OR51B5: variants seen among roughly 807,000 people sequenced by gnomAD.
OR51B5 encodes olfactory receptor 51B5.
For missense variants in OR51B5, 456 were observed against 374.6 expected (o/e 1.22, Z -1.79); for synonymous variants, 186 against 144.8 (o/e 1.28, Z -2.04).
chr11:5,400,445 T>A (rs78495555), intron 1 of OR51B5, among the ~76,000 whole-genome samples: 3,866 of 152,244 alleles, frequency 0.025, 164 homozygotes, highest in African/African-American at 0.087. Flanking sequence ...CCATGATAAT[T>A]TCCCCTCTTT....
At chr11:5,496,109 T>C (rs1368345565) in intron 1 of OR51B5, among the ~76,000 whole-genome samples, 6 of 151,694 alleles carry the variant, frequency 4.0e-5, no homozygotes, top group Non-Finnish European at 4.4e-5. Context: ...GATATTCAAA[T>C]GTACCAGTAA....
intron 1 of OR51B5, among the ~76,000 whole-genome samples, chr11:5,426,642 A>C (rs927833807): frequency 2.6e-5 from 4 of 152,084 alleles, no homozygotes; most frequent in Admixed American, 6.6e-5. Context: ...TAGGGCACAA[A>C]AAAGCCCCTA....
intron 1 of OR51B5, among the ~76,000 whole-genome samples, chr11:5,435,144 T>A (rs1049904356): frequency 2.6e-5 from 4 of 152,200 alleles, no homozygotes; most frequent in Non-Finnish European, 5.9e-5. Flanking sequence ...AGTCCAATCT[T>A]GTACCCACTG....
At chr11:5,504,182 T>G (rs1275204607) in intron 1 of OR51B5, among the ~76,000 whole-genome samples, 1 of 152,208 alleles carries the variant, frequency 6.6e-6, no homozygotes, top group Non-Finnish European at 1.5e-5. Flanking sequence ...ATGAAGATAT[T>G]AGTTTTGTTT....
chr11:5,468,774 T>C, intron 1 of OR51B5: 2 of 455,854 alleles, frequency 4.4e-6, no homozygotes, highest in Non-Finnish European at 8.8e-6. Flanking sequence ...GAGAGGAGGA[T>C]GAGCAGTGAA....
intron 1 of OR51B5, among the ~76,000 whole-genome samples, chr11:5,369,974 C>T (rs1382501973): frequency 7.9e-5 from 12 of 151,902 alleles, no homozygotes; most frequent in African/African-American, 2.4e-4. Context: ...GGGAAAGAGG[C>T]TTTGGTATTC....
intron 1 of OR51B5, among the ~76,000 whole-genome samples, chr11:5,442,925 A>C (rs80300517): frequency 0.01 from 1,525 of 152,242 alleles, 26 homozygotes; most frequent in African/African-American, 0.034. Context: ...CACCTTCTCC[A>C]TTCAAGGGTA....
chr11:5,496,577 C>T (rs191286900), intron 1 of OR51B5, among the ~76,000 whole-genome samples: 16 of 152,280 alleles, frequency 1.1e-4, no homozygotes, highest in African/African-American at 2.6e-4. Flanking sequence ...GTCCCAATCC[C>T]GATAACACAC....
At chr11:5,404,477 C>G (rs1359923767) in intron 1 of OR51B5, among the ~76,000 whole-genome samples, 1 of 152,112 alleles carries the variant, frequency 6.6e-6, no homozygotes, top group Non-Finnish European at 1.5e-5. Context: ...TCTGTAAAAT[C>G]CCACCGATCA....
At chr11:5,373,569 T>G (rs186070589) in intron 1 of OR51B5, among the ~76,000 whole-genome samples, 1 of 152,236 alleles carries the variant, frequency 6.6e-6, no homozygotes, top group East Asian at 1.9e-4. Context: ...GAGTTCCCTT[T>G]CCTGGTCAAG....
chr11:5,376,625 G>T (rs1164717836), intron 1 of OR51B5, among the ~76,000 whole-genome samples: 5 of 152,080 alleles, frequency 3.3e-5, no homozygotes, highest in African/African-American at 4.8e-5. Flanking sequence ...TGATAAAGGG[G>T]ATATCACCAC....
intron 1 of OR51B5, among the ~76,000 whole-genome samples, chr11:5,457,955 G>A (rs764347235): frequency 1.3e-5 from 2 of 152,222 alleles, no homozygotes; most frequent in South Asian, 2.1e-4. Flanking sequence ...TGTGCCAAAG[G>A]TCTTTAGTTT....
rs771270455 is a variant in OR51B5 at position 5,342,702 on chromosome 11, T to A, written c.823A>T (p.Ser275Cys). The change falls in exon 1 of 1, where the codon AGC (serine) becomes TGC (cysteine). Residue 275 changes from serine (S) to cysteine (C), a missense_variant. Ser to Cys is a moderately radical substitution (Grantham distance 112). Coordinates refer to ENST00000300773, the Ensembl canonical transcript of OR51B5. ...GGAGGGAACAGAAAATAGGCATAGCTCATAATGAGGTGAACAATATGTGGA... is the reference window on the plus strand; with the variant it reads ...GGAGGGAACAGAAAATAGGCATAGCACATAATGAGGTGAACAATATGTGGA... The A allele has an allele frequency of 2.2e-5, 35 of 1,613,764 alleles. No homozygotes were observed. The Admixed American group carries it at 5.8e-4, about 27-fold the overall frequency.
intron 1 of OR51B5, among the ~76,000 whole-genome samples, chr11:5,402,152 C>T (rs1293425413): frequency 1.3e-5 from 2 of 151,990 alleles, no homozygotes; most frequent in Non-Finnish European, 2.9e-5. Flanking sequence ...GCTGGGACTA[C>T]AGGCACACTC....
intron 1 of OR51B5, chr11:5,389,780 C>T: frequency 6.2e-7 from 1 of 1,613,990 alleles, no homozygotes. Context: ...CTCAGTGCTC[C>T]TCATGATGTC....
At position 5,356,735 on chromosome 11, in the gene OR51B5, G is replaced by A. The variant is rs542968504; in HGVS notation, n.85-9825C>T. Among the ~76,000 whole-genome samples the A allele has an allele frequency of 7.2e-5, 9 of 124,944 alleles. 1 individual carries two copies. Among genetic ancestry groups the A allele is most frequent in the African/African-American group, 1.5e-4 (5 of 33,758 alleles). 82.0% of individuals were successfully genotyped at this position (124,944 alleles called of 152,430 possible). On this transcript the variant is annotated intron_variant and non_coding_transcript_variant, in intron 1 of 4. Transcript: ENST00000415970. The stretch of plus-strand genomic sequence containing the variant: ...TAAGGGTAGCCAGAGAGAAAGGTCG[G>A]GTTACCCACAAAGGGAAGCCCATCA...
chr11:5,503,575 A>G (rs932132781), intron 1 of OR51B5, among the ~76,000 whole-genome samples: 1 of 152,252 alleles, frequency 6.6e-6, no homozygotes, highest in African/African-American at 2.4e-5. Context: ...TATAAAGTGT[A>G]CTTGGAAAAA....
At chr11:5,401,256 C>A (rs1484086707) in intron 1 of OR51B5, among the ~76,000 whole-genome samples, 1 of 152,182 alleles carries the variant, frequency 6.6e-6, no homozygotes, top group African/African-American at 2.4e-5. Flanking sequence ...AAGAAAAAGT[C>A]CCAATGGATA....
At chr11:5,401,250 A>G (rs949406242) in intron 1 of OR51B5, among the ~76,000 whole-genome samples, 4 of 152,230 alleles carry the variant, frequency 2.6e-5, no homozygotes, top group Admixed American at 6.5e-5. Flanking sequence ...GCTAGAAAGA[A>G]AAAGTCCCAA....
Sources: gnomAD v4.1 joint callset for allele counts (sites outside exome capture counted in the v4.1 genomes callset) on GRCh38, gnomAD v4.1.1 for gene constraint, MANE v1.5 for transcripts, NCBI Gene and HGNC (gene_info 2026-07-23, HGNC 2026-07-21) for gene names.